Variants in GABRG3 observed in about 807,000 individuals in gnomAD.
GABRG3 encodes the protein gamma-aminobutyric acid receptor subunit gamma-3.
Under a neutral mutation model 48.8 loss-of-function variants are expected in GABRG3, and 25 were observed. The ratio of observed to expected loss-of-function variants is 0.51; its 90% CI spans 0.37 to 0.72. The LOEUF is 0.72. Ranked by LOEUF, GABRG3 falls within the 30% of genes least tolerant of loss-of-function variation. The pLI, the probability that GABRG3 is intolerant of heterozygous loss-of-function variation, is 0.00. For missense variants in GABRG3, 394 were observed against 577.9 expected (o/e 0.68, Z 3.26); for synonymous variants, 227 against 217.6 (o/e 1.04, Z -0.38).
intron 3 of GABRG3, among the ~76,000 whole-genome samples, chr15:27,325,243 A>C (rs1893572484): frequency 6.6e-6 from 1 of 152,216 alleles, no homozygotes; most frequent in East Asian, 1.9e-4. Context: ...CTCTGGGTTC[A>C]GAGTCTGTCA....
At chr15:27,443,180 G>A (rs984308572) in intron 5 of GABRG3, among the ~76,000 whole-genome samples, 2 of 152,190 alleles carry the variant, frequency 1.3e-5, no homozygotes, top group Admixed American at 6.5e-5. Context: ...TTAGGACACC[G>A]ATATACCCAA....
At chr15:27,341,000 G>C in intron 5 of GABRG3, 1 of 514,124 alleles carries the variant, frequency 1.9e-6, no homozygotes, top group South Asian at 1.4e-5. Context: ...AGAAGGGCAA[G>C]ATGGCTGGAA....
intron 3 of GABRG3, among the ~76,000 whole-genome samples, chr15:27,140,522 A>G (rs1411593131): frequency 6.6e-6 from 1 of 152,164 alleles, no homozygotes; most frequent in East Asian, 1.9e-4. Context: ...CCTCCTTTTT[A>G]GAACTGACAT....
intron 4 of GABRG3, among the ~76,000 whole-genome samples, chr15:27,327,796 G>A (rs1443929553): frequency 3.3e-5 from 5 of 152,092 alleles, no homozygotes; most frequent in South Asian, 2.1e-4. Context: ...TCACTGCCCC[G>A]GGGCACAGGG....
chr15:27,187,974 G>A (rs559758028), intron 3 of GABRG3, among the ~76,000 whole-genome samples: 37 of 148,000 alleles, frequency 2.5e-4, no homozygotes, highest in African/African-American at 7.0e-4. Flanking sequence ...GAGAATATGC[G>A]GTGTTTGGTT....
intron 3 of GABRG3, among the ~76,000 whole-genome samples, chr15:27,102,726 C>G (rs138400903): frequency 6.6e-6 from 1 of 152,242 alleles, no homozygotes; most frequent in Non-Finnish European, 1.5e-5. Context: ...TGTGAGCTTA[C>G]TTCTCCTAAT....
chr15:27,312,781 A>C (rs1893039355), intron 3 of GABRG3, among the ~76,000 whole-genome samples: 1 of 152,154 alleles, frequency 6.6e-6, no homozygotes, highest in Non-Finnish European at 1.5e-5. Flanking sequence ...TAATACCTTC[A>C]AGATGAAACC....
rs560845439 is a variant in GABRG3 at position 26,982,322 on chromosome 15, T to C, written c.202+5172T>C. Reference sequence around the variant, plus strand: ...TAAGCTAAGTCCAGTTGGAAGTTCATGTATCCTGTGGTAGGCTACAGTGAA... The same window carrying C: ...TAAGCTAAGTCCAGTTGGAAGTTCACGTATCCTGTGGTAGGCTACAGTGAA... On this transcript the variant is annotated intron_variant, in intron 2 of 9. Coordinates refer to ENST00000615808, the MANE Select transcript of GABRG3 (RefSeq NM_033223.5). 3.3e-5 allele frequency among the ~76,000 whole-genome samples: 5 copies of C among 152,330 alleles called. No individual in the cohort carries two copies. In the South Asian group the frequency reaches 6.2e-4, roughly 19 times the overall value.
intron 3 of GABRG3, among the ~76,000 whole-genome samples, chr15:27,178,981 T>G (rs1314423898): frequency 1.3e-5 from 2 of 152,188 alleles, no homozygotes; most frequent in Non-Finnish European, 2.9e-5. Flanking sequence ...ATGACCTGCC[T>G]TGGGGAAGAG....
chr15:27,316,304 C>T (rs888531544), intron 3 of GABRG3, among the ~76,000 whole-genome samples: 6 of 143,830 alleles, frequency 4.2e-5, no homozygotes, highest in Admixed American at 1.4e-4. Flanking sequence ...AGGAGAATGG[C>T]GTGAACCCGG....
chr15:27,149,335 T>G (rs896508589), intron 3 of GABRG3, among the ~76,000 whole-genome samples: 1 of 151,154 alleles, frequency 6.6e-6, no homozygotes. Context: ...TAAAAGAAAT[T>G]AACAATCTAA....
Position 27,265,882 on chromosome 15 carries a change from G to GTTTTTTTTTTTTTTTTTTTTTTTTTT in GABRG3, c.271-60912_271-60911insTTTTTTTTTTTTTTTTTTTTTTTTTT, listed in dbSNP as rs57522857. 1.7e-3 allele frequency among the ~76,000 whole-genome samples: 214 copies of GTTTTTTTTTTTTTTTTTTTTTTTTTT among 127,540 alleles called. 22 individuals are homozygous for GTTTTTTTTTTTTTTTTTTTTTTTTTT. The highest frequency in any genetic ancestry group is 6.6e-3 in the African/African-American group (194 of 29,402). 83.7% of individuals were successfully genotyped at this position (127,540 alleles called of 152,430 possible). A position where few individuals can be genotyped will look rare whatever the true frequency, so the allele number is the denominator to read the frequency against. On this transcript the variant is annotated intron_variant, in intron 3 of 9. Transcript: ENST00000615808. ...GCAAGGTCAAGAAGATTTTCTCCTG[G>GTTTTTTTTTTTTTTTTTTTTTTTTTT]TTTTTTTTTTTTTTTGAGAGTGACC...
At chr15:27,389,794 T>G (rs878927520) in intron 5 of GABRG3, among the ~76,000 whole-genome samples, 1 of 152,242 alleles carries the variant, frequency 6.6e-6, no homozygotes, top group Admixed American at 6.5e-5. Context: ...ATCGCTTCCT[T>G]TAACAAATGT....
At chr15:27,176,039 A>AG (rs1887734680) in intron 3 of GABRG3, among the ~76,000 whole-genome samples, 1 of 151,930 alleles carries the variant, frequency 6.6e-6, no homozygotes, top group Non-Finnish European at 1.5e-5. Context: ...AAAAAAAAAA[A>AG]AAAGAAAGAA....
At chr15:27,360,710 G>A (rs905444123) in intron 5 of GABRG3, among the ~76,000 whole-genome samples, 1 of 152,174 alleles carries the variant, frequency 6.6e-6, no homozygotes, top group Non-Finnish European at 1.5e-5. Flanking sequence ...AGATCTGCAA[G>A]GGCAGCCCCT....
rs148260120 is a variant in GABRG3, at chr15:26,972,557, C to T, written c.53+969C>T. ...CCACCCTAGGAAGCTCAGCGTGCCCCTATCCCCCAAACCCTCTTGTTTTGA... is the reference window on the plus strand; with the variant it reads ...CCACCCTAGGAAGCTCAGCGTGCCCTTATCCCCCAAACCCTCTTGTTTTGA... On this transcript the variant is annotated intron_variant, in intron 1 of 9. Transcript: ENST00000615808. Among the ~76,000 whole-genome samples the T allele has an allele frequency of 1.7e-3, 253 of 152,250 alleles. 3 individuals are homozygous for T. Among genetic ancestry groups the T allele is most frequent in the African/African-American group, 5.8e-3 (242 of 41,556 alleles).
Position 27,001,888 on chromosome 15 carries a change from G to GTTTTTTTTTTTTTTTTTTTT in GABRG3, c.202+24753_202+24754insTTTTTTTTTTTTTTTTTTTT, listed in dbSNP as rs60516105. On this transcript the variant is annotated intron_variant, in intron 2 of 9. Coordinates refer to ENST00000615808, the MANE Select transcript of GABRG3 (RefSeq NM_033223.5). The stretch of plus-strand genomic sequence containing the variant: ...CTTGAAGAGAGGTTCCCATAACTCA[G>GTTTTTTTTTTTTTTTTTTTT]TTTTTTTTTTTTTTTAAGATATGGT... Among the ~76,000 whole-genome samples, 156 of 121,172 alleles carry GTTTTTTTTTTTTTTTTTTTT rather than the reference G, an allele frequency of 1.3e-3. 12 individuals are homozygous for GTTTTTTTTTTTTTTTTTTTT. The highest frequency in any genetic ancestry group is 4.7e-3 in the East Asian group (20 of 4,224). The allele number at this position is 121,172 out of a possible 152,430, so 79.5% of individuals were successfully genotyped here.
intron 2 of GABRG3, among the ~76,000 whole-genome samples, chr15:26,998,097 A>G (rs1167117818): frequency 6.6e-6 from 1 of 152,250 alleles, no homozygotes; most frequent in Admixed American, 6.5e-5. Context: ...GCCTGTGCAC[A>G]GAATTTCTGA....
chr15:27,435,950 T>G (rs1888596380), intron 5 of GABRG3, among the ~76,000 whole-genome samples: 1 of 152,162 alleles, frequency 6.6e-6, no homozygotes, highest in Non-Finnish European at 1.5e-5. Flanking sequence ...GCCAGAGTGG[T>G]GTTACCAGTA....
Sources: gnomAD v4.1 joint callset for allele counts (sites outside exome capture counted in the v4.1 genomes callset) on GRCh38, gnomAD v4.1.1 for gene constraint, MANE v1.5 for transcripts, NCBI Gene and HGNC (gene_info 2026-07-23, HGNC 2026-07-21) for gene names.